ELAVL2: variants seen among roughly 807,000 people sequenced by gnomAD.
ELAVL2 encodes the protein ELAV-like protein 2.
In ELAVL2, 4 loss-of-function variants were observed where a neutral mutation model predicts 34.6. The ratio of observed to expected loss-of-function variants is 0.12; its 90% CI spans 0.06 to 0.26. ELAVL2 has a LOEUF of 0.26. Ranked by LOEUF, ELAVL2 falls within the 10% of genes least tolerant of loss-of-function variation. The pLI is 1.00. For missense variants in ELAVL2, 432 were observed against 442.8 expected (o/e 0.98, Z 0.22); for synonymous variants, 193 against 154.8 (o/e 1.25, Z -1.83).
At chr9:23,821,907 A>AGTTCGCGGCGCCGC (rs1309210178) in intron 1 of ELAVL2, 1 of 150,824 alleles carries the variant, frequency 6.6e-6, no homozygotes, top group Non-Finnish European at 1.5e-5. Context: ...GCCGGCGGCG[A>AGTTCGCGGCGCCGC]GTTCGCGGCG....
chr9:23,725,241 C>T (rs2044786355), intron 3 of ELAVL2, among the ~76,000 whole-genome samples: 1 of 152,178 alleles, frequency 6.6e-6, no homozygotes, highest in South Asian at 2.1e-4. Context: ...AACATCAGCG[C>T]CTTCACATAC....
chr9:23,850,482 C>G, the ELAVL2 span, among the ~76,000 whole-genome samples: 4 of 152,078 alleles, frequency 2.6e-5, no homozygotes, highest in Non-Finnish European at 2.9e-5. Context: ...CTTGCCGTCT[C>G]GTTCCTGCCT....
In ELAVL2 at chr9:23,701,536, G is replaced by C; in HGVS notation, c.556C>G (p.Leu186Val). 3.7e-6 allele frequency: 6 copies of C among 1,614,076 alleles called. No homozygotes were observed. The highest frequency in any genetic ancestry group is 2.2e-5 in the East Asian group (1 of 44,864). Residue 186 changes from leucine (L) to valine (V), a missense_variant, in exon 5 of 7, where the codon CTA becomes GTA. Leu to Val is a conservative substitution (Grantham distance 32). Transcript: ENST00000397312. ...RIEAEEAIKG[L>V]NGQKPPGATE... ...GCACCGGGAGGTTTCTGGCCATTTA[G>C]GCCTTTGATAGCTTCTTCTGCCTCA... is the stretch of plus-strand genomic sequence containing the variant.
chr9:23,705,222 A>G lies in ELAVL2; in HGVS notation c.334-151T>C, dbSNP rs1482487139. ...GGTGCTAACTGCTTTATTCATTTCC[A>G]GGAAAATTCTAGACAAATGGGTAGT... On this transcript the variant is annotated intron_variant, in intron 3 of 6. Transcript: ENST00000397312. 18 of 858,406 alleles carry G rather than the reference A, an allele frequency of 2.1e-5. No individual in the cohort carries two copies. In the East Asian group the frequency reaches 2.7e-4, roughly 13 times the overall value. The allele number at this position is 858,406 out of a possible 1,614,324, so 53.2% of individuals were successfully genotyped here. A position where few individuals can be genotyped will look rare whatever the true frequency, so the allele number is the denominator to read the frequency against.
At chr9:23,779,706 A>AT (rs1358982249) in intron 1 of ELAVL2, among the ~76,000 whole-genome samples, 1 of 152,028 alleles carries the variant, frequency 6.6e-6, no homozygotes, top group Non-Finnish European at 1.5e-5. Flanking sequence ...CATCCAATTC[A>AT]TAAGGATGGT....
chr9:23,794,853 T>C lies in ELAVL2; in HGVS notation c.-16+30953A>G, dbSNP rs1316918399. ...TATGCATTAATCCTTCCATCTTCTC[T>C]TGTTTTAATAATAAGTAGAGAGCCA... On this transcript the variant is annotated intron_variant, in intron 1 of 6. Transcript: ENST00000397312. Among the ~76,000 whole-genome samples the C allele has an allele frequency of 2.6e-5, 4 of 152,132 alleles. No homozygotes were observed. In the East Asian group the frequency reaches 7.7e-4, roughly 29 times the overall value.
intron 1 of ELAVL2, among the ~76,000 whole-genome samples, chr9:23,811,458 C>T (rs1305384508): frequency 6.6e-6 from 1 of 152,182 alleles, no homozygotes; most frequent in Non-Finnish European, 1.5e-5. Flanking sequence ...ACACATGCTC[C>T]TGGAAGACAT....
chr9:23,805,794 T>G (rs1564539351), intron 1 of ELAVL2, among the ~76,000 whole-genome samples: 1 of 152,204 alleles, frequency 6.6e-6, no homozygotes. Flanking sequence ...TGGTCATCCA[T>G]GGAGACCCCT....
chr9:23,793,999 C>T (rs759041918), intron 1 of ELAVL2, among the ~76,000 whole-genome samples: 1 of 152,202 alleles, frequency 6.6e-6, no homozygotes. Flanking sequence ...AATGACTCCA[C>T]CTGTATGTGG....
intron 3 of ELAVL2, among the ~76,000 whole-genome samples, chr9:23,706,214 C>T (rs947229766): frequency 3.3e-5 from 5 of 152,090 alleles, no homozygotes; most frequent in Admixed American, 6.5e-5. Flanking sequence ...TATACCAAAT[C>T]CCACAAGGAC....
At chr9:23,779,158 G>A in intron 1 of ELAVL2, 1 of 981,346 alleles carries the variant, frequency 1.0e-6, no homozygotes, top group Non-Finnish European at 1.2e-6. Context: ...ACTGTCTCAT[G>A]ACAAACCACA....
intron 1 of ELAVL2, among the ~76,000 whole-genome samples, chr9:23,781,664 A>G (rs911835837): frequency 6.6e-5 from 10 of 150,956 alleles, no homozygotes; most frequent in African/African-American, 2.4e-4. Context: ...ACAGGTACAC[A>G]CCACCACACC....
At chr9:23,702,544 G>C (rs1887900) in intron 4 of ELAVL2, among the ~76,000 whole-genome samples, 19,709 of 151,148 alleles carry the variant, frequency 0.13, 1,384 homozygotes, top group Non-Finnish European at 0.15. Context: ...ATTTTTTTTG[G>C]CAAGTAAATG....
chr9:23,701,320 T>TA (rs1274439161), intron 5 of ELAVL2, 59 bp downstream of exon 5: 1 of 1,573,810 alleles, frequency 6.4e-7, no homozygotes, highest in Non-Finnish European at 8.7e-7. Flanking sequence ...TACTGGACAG[T>TA]AAACCTGAGT....
intron 2 of ELAVL2, among the ~76,000 whole-genome samples, chr9:23,755,314 C>A (rs1355118559): frequency 6.6e-6 from 1 of 152,122 alleles, no homozygotes; most frequent in African/African-American, 2.4e-5. Context: ...AATCTTTCCA[C>A]TAAACTAATC....
chr9:23,765,529 C>A (rs2136132878), intron 1 of ELAVL2, among the ~76,000 whole-genome samples: 1 of 152,218 alleles, frequency 6.6e-6, no homozygotes, highest in Non-Finnish European at 1.5e-5. Flanking sequence ...TGCATAAAAG[C>A]ACTCTTTCCC....
chr9:23,798,935 A>G (rs1433457964), intron 1 of ELAVL2, among the ~76,000 whole-genome samples: 2 of 152,206 alleles, frequency 1.3e-5, no homozygotes, highest in African/African-American at 4.8e-5. Flanking sequence ...CATTTAATCA[A>G]GACTTAACAA....
the ELAVL2 span, among the ~76,000 whole-genome samples, chr9:23,833,070 A>G: frequency 2.0e-5 from 3 of 151,942 alleles, no homozygotes; most frequent in South Asian, 6.2e-4. Flanking sequence ...CGTTTTTTTT[A>G]TTCTTTTAAA....
At chr9:23,808,826 C>T (rs1051040067) in intron 1 of ELAVL2, among the ~76,000 whole-genome samples, 6 of 152,048 alleles carry the variant, frequency 3.9e-5, no homozygotes, top group Non-Finnish European at 7.4e-5. Context: ...CCAGAAAATT[C>T]CTTAAGGAGT....
Sources: allele counts gnomAD v4.1 joint callset (sites outside exome capture counted in the v4.1 genomes callset), GRCh38; gene constraint gnomAD v4.1.1; transcripts MANE v1.5; gene names NCBI Gene and HGNC (gene_info 2026-07-23, HGNC 2026-07-21).